PKNOX2: variants seen among roughly 807,000 people sequenced by gnomAD.
PKNOX2 encodes homeobox protein PKNOX2.
A neutral mutation model predicts 53.1 loss-of-function variants in PKNOX2; 14 were observed. The ratio of observed to expected loss-of-function variants is 0.26; its 90% CI spans 0.17 to 0.41. The LOEUF (loss-of-function observed/expected upper bound fraction) is 0.41. Ranked by LOEUF, PKNOX2 falls within the 10% of genes least tolerant of loss-of-function variation. The pLI is 1.00. For synonymous variants in PKNOX2, 257 were observed against 242.8 expected (o/e 1.06, Z -0.54); for missense variants, 496 against 602.8 (o/e 0.82, Z 1.85).
At chr11:125,238,086 T>G (rs1253812413) in intron 2 of PKNOX2, among the ~76,000 whole-genome samples, 1 of 152,154 alleles carries the variant, frequency 6.6e-6, no homozygotes, top group East Asian at 1.9e-4. Flanking sequence ...CTCTTTCCTT[T>G]GCCATTTTTC....
chr11:125,403,855 A>AT (rs1362786021), intron 7 of PKNOX2, among the ~76,000 whole-genome samples: 1 of 152,210 alleles, frequency 6.6e-6, no homozygotes, highest in African/African-American at 2.4e-5. Context: ...AGTTGAGGAC[A>AT]TTCTGAGATG....
At chr11:125,415,793 G>A (rs1955839168) in intron 10 of PKNOX2, among the ~76,000 whole-genome samples, 1 of 152,174 alleles carries the variant, frequency 6.6e-6, no homozygotes, top group Non-Finnish European at 1.5e-5. Context: ...CACATCCAGT[G>A]CAGCTGGGAC....
chr11:125,405,092 C>T (rs1351506026), intron 7 of PKNOX2, among the ~76,000 whole-genome samples: 2 of 152,300 alleles, frequency 1.3e-5, no homozygotes, highest in East Asian at 1.9e-4. Flanking sequence ...GGGCTGGCTC[C>T]GCACTGCACC....
intron 2 of PKNOX2, among the ~76,000 whole-genome samples, chr11:125,321,888 A>G (rs1206070806): frequency 6.6e-6 from 1 of 152,228 alleles, no homozygotes; most frequent in African/African-American, 2.4e-5. Flanking sequence ...CTCCTTTCTC[A>G]TAGATGGGAA....
At chr11:125,395,814 T>G (rs150030660) in intron 6 of PKNOX2, among the ~76,000 whole-genome samples, 9 of 152,320 alleles carry the variant, frequency 5.9e-5, no homozygotes, top group African/African-American at 2.2e-4. Flanking sequence ...TCTTTATATA[T>G]CCTAGATACA....
chr11:125,323,412 T>G (rs990763940), intron 2 of PKNOX2, among the ~76,000 whole-genome samples: 1 of 152,222 alleles, frequency 6.6e-6, no homozygotes, highest in African/African-American at 2.4e-5. Flanking sequence ...TTTCCCTTCC[T>G]TGTTGCCTTC....
intron 1 of PKNOX2, among the ~76,000 whole-genome samples, chr11:125,217,138 T>C (rs1445157462): frequency 6.6e-6 from 1 of 152,004 alleles, no homozygotes; most frequent in Non-Finnish European, 1.5e-5. Flanking sequence ...CACACAGGCA[T>C]GTGCACACAC....
intron 1 of PKNOX2, among the ~76,000 whole-genome samples, chr11:125,226,402 G>A (rs1285581758): frequency 6.6e-6 from 1 of 152,118 alleles, no homozygotes; most frequent in Admixed American, 6.6e-5. Context: ...AAATTTCCAG[G>A]GATTTGTGGA....
At chr11:125,419,828 C>T (rs1204336073) in intron 10 of PKNOX2, among the ~76,000 whole-genome samples, 5 of 148,310 alleles carry the variant, frequency 3.4e-5, no homozygotes, top group South Asian at 2.1e-4. Context: ...CCTGAGAGTT[C>T]GAGACCAGCC....
chr11:125,343,386 C>CTT (rs71462895), intron 3 of PKNOX2, among the ~76,000 whole-genome samples: 8 of 149,642 alleles, frequency 5.3e-5, no homozygotes, highest in African/African-American at 1.5e-4. Flanking sequence ...AGCCAGCATG[C>CTT]TTTTTTTTTT....
intron 5 of PKNOX2, among the ~76,000 whole-genome samples, chr11:125,381,575 G>A (rs1439620433): frequency 5.3e-5 from 8 of 152,082 alleles, no homozygotes; most frequent in African/African-American, 1.9e-4. Context: ...GGAAGTGAAG[G>A]AGGTTTAGAA....
chr11:125,205,197 C>T lies in PKNOX2; in HGVS notation c.-200-29848C>T, dbSNP rs7125803. On this transcript the variant is annotated intron_variant, in intron 1 of 12. Transcript: ENST00000298282. ...TGAGTTCTTGGCATTTATTTTGTATCCATTCTGTGTCTATTTTGCTTATGT... is the reference window on the plus strand; with the variant it reads ...TGAGTTCTTGGCATTTATTTTGTATTCATTCTGTGTCTATTTTGCTTATGT... Among the ~76,000 whole-genome samples the T allele has an allele frequency of 1.6e-3, 247 of 152,214 alleles. 1 individual carries two copies. Among genetic ancestry groups the T allele is most frequent in the African/African-American group, 5.6e-3 (233 of 41,518 alleles).
chr11:125,184,762 G>T (rs887824582), intron 1 of PKNOX2, among the ~76,000 whole-genome samples: 1 of 152,176 alleles, frequency 6.6e-6, no homozygotes, highest in East Asian at 1.9e-4. Flanking sequence ...TCGGAGGCTG[G>T]CTAGGCTGGC....
rs574239613 is a variant in PKNOX2 at position 125,372,918 on chromosome 11, G to A, written c.227+4933G>A. On this transcript the variant is annotated intron_variant, in intron 5 of 12. Transcript: ENST00000298282. The stretch of plus-strand genomic sequence containing the variant: ...AGCTCTAGTTCAATAAAAGCAATGT[G>A]AGCCCTGTTTATAATGCACTTGTTT... 2.0e-5 allele frequency among the ~76,000 whole-genome samples: 3 copies of A among 152,294 alleles called. No homozygotes were observed. The South Asian group carries it at 6.2e-4, about 32-fold the overall frequency.
intron 1 of PKNOX2, among the ~76,000 whole-genome samples, chr11:125,169,405 T>G (rs1039005587): frequency 6.6e-6 from 1 of 152,162 alleles, no homozygotes; most frequent in Non-Finnish European, 1.5e-5. Flanking sequence ...ATTGTTGCGA[T>G]GGGGATCTGC....
At chr11:125,320,718 A>T (rs548535444) in intron 2 of PKNOX2, among the ~76,000 whole-genome samples, 126 of 152,284 alleles carry the variant, frequency 8.3e-4, no homozygotes, top group Non-Finnish European at 1.5e-3. Flanking sequence ...ATATGAATTG[A>T]TCACATTTGC....
At chr11:125,177,111 G>A (rs554134129) in intron 1 of PKNOX2, among the ~76,000 whole-genome samples, 1 of 152,200 alleles carries the variant, frequency 6.6e-6, no homozygotes, top group South Asian at 2.1e-4. Flanking sequence ...CCAGCCACAG[G>A]GGGACTATAT....
At chr11:125,330,421 A>C (rs759053929) in intron 2 of PKNOX2, 1 of 152,306 alleles carries the variant, frequency 6.6e-6, no homozygotes, top group South Asian at 2.1e-4. Context: ...GGCTCTTCCC[A>C]GGGGCTGCCC....
At chr11:125,259,928 G>A (rs568683515) in intron 2 of PKNOX2, among the ~76,000 whole-genome samples, 42 of 150,746 alleles carry the variant, frequency 2.8e-4, no homozygotes, top group Middle Eastern at 3.2e-3. Flanking sequence ...CCAATCTGGA[G>A]TGCAGTGGCA....
Sources: gnomAD v4.1 joint callset for allele counts (sites outside exome capture counted in the v4.1 genomes callset) on GRCh38, gnomAD v4.1.1 for gene constraint, MANE v1.5 for transcripts, NCBI Gene and HGNC (gene_info 2026-07-23, HGNC 2026-07-21) for gene names.